TTN: variants seen among roughly 807,000 people sequenced by gnomAD.
TTN encodes the protein connectin.
TTN carries 1,525 observed loss-of-function variants against 3,223.0 expected under a neutral mutation model. The observed-to-expected ratio is 0.47, with a 90% CI of 0.45 to 0.49. TTN has a LOEUF of 0.49. Among genes scored for constraint, TTN ranks in the 20% least tolerant of loss-of-function variants. The pLI, the probability that TTN is intolerant of heterozygous loss-of-function variation, is 0.00. For missense variants in TTN, 40,786 were observed against 43,424.0 expected, an observed-to-expected ratio of 0.94 and a Z score of 5.40; for synonymous variants, 14,094 against 15,161.0, an observed-to-expected ratio of 0.93 and a Z score of 5.17.
intron 43 of TTN, 122 bp downstream of exon 43, chr2:178,764,055 T>A: frequency 7.0e-7 from 1 of 1,435,968 alleles, no homozygotes. Flanking sequence ...TTCTGTTAGA[T>A]TTCCATTAAG....
chr2:178,694,968 CTA>C, intron 115 of TTN, 62 bp from the exon 116 acceptor site: 8 of 1,170,282 alleles, frequency 6.8e-6, no homozygotes, highest in Admixed American at 6.4e-5. Context: ...CTCTCTCTCT[CTA>C]TCTCTCTCTC....
rs1437722307 is a variant in TTN at position 178,621,933 on chromosome 2, T to C, written c.44989A>G (p.Ile14997Val). Residue 14997 changes from isoleucine to valine, a missense_variant, in exon 244 of 363, where the codon ATT (isoleucine) becomes GTT (valine). Transcript: ENST00000589042. ...YDIISKGAVR[I>V]LVINKCLLDD... ...AGTAGACATTTGTTGATGACAAGAA[T>C]GCGCACTGCTCCCTTGGATATGATG... 6.2e-7 allele frequency: 1 copy of C among 1,612,028 alleles called. No individual in the cohort carries two copies. The highest frequency in any genetic ancestry group is 1.1e-5 in the South Asian group (1 of 90,996).
In TTN at chr2:178,777,052, A is replaced by T. The variant is rs1161578785; in HGVS notation, c.4815-3T>A. 1.2e-6 allele frequency: 2 copies of T among 1,614,004 alleles called. No homozygotes were observed. The highest frequency in any genetic ancestry group is 2.2e-5 in the East Asian group (1 of 44,868). On this transcript the variant is annotated splice_region_variant and splice_polypyrimidine_tract_variant and intron_variant, in intron 27 of 362. Transcript: ENST00000589042. ...CTTCTCCCTTGGTTCCTTCAATTCT[A>T]TAAAAAGTTGGGGGAGGGAATAATC... is the stretch of plus-strand genomic sequence containing the variant.
chr2:178,633,188 G>A lies in TTN; in HGVS notation c.43085C>T (p.Pro14362Leu). 6.2e-7 allele frequency: 1 copy of A among 1,610,390 alleles called. No individual in the cohort carries two copies. Among genetic ancestry groups the A allele is most frequent in the Non-Finnish European group, 8.5e-7 (1 of 1,177,616 alleles). The change falls in exon 233 of 363, where the codon CCT (proline) becomes CTT (leucine). Residue 14362 changes from proline to leucine, a missense_variant and splice_region_variant. Transcript: ENST00000589042. Reference protein sequence around the residue: ...KLKGQPLTASPDCEIIEDGKK... With the variant: ...KLKGQPLTASLDCEIIEDGKK... ...TATAATTAGCTAATCTTGACTTACA[G>A]GGGAAGCTGTCAAAGGCTGTCCTTT...
Position 178,725,877 on chromosome 2 carries a change from G to A in TTN, c.20445C>T (p.His6815=). 1.2e-6 allele frequency: 2 copies of A among 1,613,242 alleles called. No homozygotes were observed. Among genetic ancestry groups the A allele is most frequent in the Admixed American group, 1.7e-5 (1 of 59,930 alleles). ...KKYKIASKNF[H]TSIHILNVDT... ...CCACATTGAGAATGTGAATACTTGT[G>A]TGGAAGTTTTTGGATGCAATCTTGT... The change falls in exon 70 of 363, where the codon CAC becomes CAT. Residue 6815 remains histidine, a synonymous_variant. Coordinates refer to ENST00000589042, the MANE Select transcript of TTN (RefSeq NM_001267550.2).
chr2:178,527,055 C>A lies in TTN; in HGVS notation c.107933G>T (p.Gly35978Val). 1 of 1,613,808 alleles carries A rather than the reference C, an allele frequency of 6.2e-7. No individual in the cohort carries two copies. Among genetic ancestry groups the A allele is most frequent in the Non-Finnish European group, 8.5e-7 (1 of 1,179,820 alleles). The change falls in exon 363 of 363, where the codon GGA (glycine) becomes GTA (valine). Residue 35978 changes from glycine to valine, a missense_variant. Transcript: ENST00000589042. The stretch of plus-strand genomic sequence containing the variant: ...TATATTCACAGTGGCAGAGTCAGAT[C>A]CAAATTCATTCCCTAAACTCAGGGT... ...LYTLSLGNEF[G>V]SDSATVNIHI... is the part of the protein sequence containing the mutation.
Position 178,688,760 on chromosome 2 carries a change from G to A in TTN, c.32114C>T (p.Thr10705Ile), listed in dbSNP as rs531107853. 63 of 1,611,910 alleles carry A rather than the reference G, an allele frequency of 3.9e-5. 2 individuals are homozygous for A. In the South Asian group the frequency reaches 6.7e-4, roughly 17 times the overall value. Reference sequence around the variant, plus strand: ...AACAAATCTCTTTTCTTCTACAACAGTTTTCTTAGAGACTTCAGCTTTAAG... The same window carrying A: ...AACAAATCTCTTTTCTTCTACAACAATTTTCTTAGAGACTTCAGCTTTAAG... ...PPPRAEVSKK[T>I]VVEEKRFVAE... is the part of the protein sequence containing the mutation. Residue 10705 changes from threonine (T) to isoleucine (I), a missense_variant, in exon 126 of 363, where the codon ACT becomes ATT. Physicochemically the swap from Thr to Ile is moderately conservative, Grantham distance 89 (BLOSUM62 -1). Transcript: ENST00000589042.
chr2:178,629,375 C>A lies in TTN; in HGVS notation c.44350G>T (p.Asp14784Tyr), dbSNP rs72677216. Residue 14784 changes from aspartate (D) to tyrosine (Y), a missense_variant, in exon 240 of 363, where the codon GAC becomes TAC. Coordinates refer to ENST00000589042, the MANE Select transcript of TTN (RefSeq NM_001267550.2). ...TVTAGETATF[D>Y]CELSYEDIPV... The stretch of plus-strand genomic sequence containing the variant: ...ATATCTTCGTAGGAGAGCTCGCAGT[C>A]GAAGGTGGCTGTTTCCCCTGCAGTC... The A allele has an allele frequency of 9.3e-6, 15 of 1,612,788 alleles. No homozygotes were observed. Among genetic ancestry groups the A allele is most frequent in the Non-Finnish European group, 1.1e-5 (13 of 1,179,336 alleles).
intron 341 of TTN, 42 bp downstream of exon 341, chr2:178,546,558 A>G: frequency 6.3e-7 from 1 of 1,594,252 alleles, no homozygotes; most frequent in Non-Finnish European, 8.6e-7. Context: ...TTTCACATAA[A>G]TTGAGATAAT....
rs371666313 is a variant in TTN at position 178,547,760 on chromosome 2, G to T, written c.93866C>A (p.Thr31289Asn). Residue 31289 changes from threonine to asparagine, a missense_variant, in exon 339 of 363, where the codon ACC (threonine) becomes AAC (asparagine). Transcript: ENST00000589042. ...TTTAACACCAGCTGTATTTTCCAGGGTCAAGAAGTATCTTCCAGAGTCACC... is the reference window on the plus strand; with the variant it reads ...TTTAACACCAGCTGTATTTTCCAGGTTCAAGAAGTATCTTCCAGAGTCACC... The part of the protein sequence containing the change: ...MRGDSGRYFL[T>N]LENTAGVKTF... 3 of 1,613,794 alleles carry T rather than the reference G, an allele frequency of 1.9e-6. No homozygotes were observed. The highest frequency in any genetic ancestry group is 2.5e-6 in the Non-Finnish European group (3 of 1,179,860).
At chr2:178,737,775 A>AT (rs972290269) in intron 49 of TTN, among the ~76,000 whole-genome samples, 3 of 150,582 alleles carry the variant, frequency 2.0e-5, no homozygotes, top group African/African-American at 7.3e-5. Context: ...TTGAGACATT[A>AT]TTTTTTTTTA....
rs751755231 is a variant in TTN at position 178,573,133 on chromosome 2, C to T, written c.72999G>A (p.Leu24333=). The part of the protein sequence containing the change: ...KPGPPGNPRV[L]DTSRSSISIA... ...TTGAAATGGATGATCTGCTTGTATC[C>T]AGAACACGTGGGTTACCTGGTGGTC... The change falls in exon 326 of 363, where the codon CTG becomes CTA. Residue 24333 remains leucine (L), a synonymous_variant. Transcript: ENST00000589042. 1 of 1,613,138 alleles carries T rather than the reference C, an allele frequency of 6.2e-7. No homozygotes were observed. Among genetic ancestry groups the T allele is most frequent in the Admixed American group, 1.7e-5 (1 of 59,954 alleles).
chr2:178,766,219 T>C (rs900873258), intron 41 of TTN, among the ~76,000 whole-genome samples, 162 bp downstream of exon 41: 4 of 152,120 alleles, frequency 2.6e-5, no homozygotes, highest in Non-Finnish European at 5.9e-5. Flanking sequence ...ACAGCTGCCC[T>C]CCCTTTTCCA....
rs202087936 is a variant in TTN, at chr2:178,641,319, T to C, written c.40559-4A>G. On this transcript the variant is annotated splice_region_variant and splice_polypyrimidine_tract_variant and intron_variant, in intron 219 of 362. Transcript: ENST00000589042. ...TCTTCAGGTCTTTTTCTTAGAACTT[T>C]AAAGACAAAAAGGTTTATATGTAAA... The C allele has an allele frequency of 8.9e-6, 13 of 1,460,162 alleles. No individual in the cohort carries two copies. The highest frequency in any genetic ancestry group is 1.2e-5 in the Non-Finnish European group (13 of 1,090,750). 90.5% of individuals were successfully genotyped at this position (1,460,162 alleles called of 1,614,324 possible).
In TTN at chr2:178,579,623, G is replaced by A. The variant is rs781320550; in HGVS notation, c.67574C>T (p.Ala22525Val). ...GGTTCCTTCTCCATTTTCATTCTCA[G>A]CACTCACTCTGAAGGTATATTCCTT... ...EGKEYTFRVS[A>V]ENENGEGTPS... The change falls in exon 319 of 363, where the codon GCT (alanine) becomes GTT (valine). Residue 22525 changes from alanine (A) to valine (V), a missense_variant. Transcript: ENST00000589042. The A allele has an allele frequency of 2.5e-6, 4 of 1,613,306 alleles. No homozygotes were observed. Among genetic ancestry groups the A allele is most frequent in the Non-Finnish European group, 3.4e-6 (4 of 1,179,498 alleles).
Position 178,565,428 on chromosome 2 carries a change from G to A in TTN, c.80704C>T (p.Pro26902Ser), listed in dbSNP as rs1024262797. The A allele has an allele frequency of 1.2e-5, 19 of 1,613,204 alleles. No individual in the cohort carries two copies. The highest frequency in any genetic ancestry group is 1.3e-5 in the African/African-American group (1 of 74,830). ...QAGEDLKIEI[P>S]VIGRPRPNIS... ...TTAGGTCTTGGTCGGCCTATAACTG[G>A]AATTTCTATTTTAAGATCTTCTCCA... Residue 26902 changes from proline to serine, a missense_variant, in exon 326 of 363, where the codon CCA (proline) becomes TCA (serine). By Grantham distance (74) the Pro-to-Ser change is moderately conservative. Transcript: ENST00000589042.
chr2:178,700,041 T>C (rs2074682254), intron 111 of TTN, among the ~76,000 whole-genome samples: 1 of 152,218 alleles, frequency 6.6e-6, no homozygotes, highest in Non-Finnish European at 1.5e-5. Flanking sequence ...AAACATTATT[T>C]AACTTCTCAA....
In TTN at chr2:178,610,979, C is replaced by CAAAG. The variant is rs2154199420; in HGVS notation, c.51136+10_51136+13dup. 1 of 1,608,882 alleles carries CAAAG rather than the reference C, an allele frequency of 6.2e-7. No homozygotes were observed. Among genetic ancestry groups the CAAAG allele is most frequent in the East Asian group, 2.2e-5 (1 of 44,688 alleles). On this transcript the variant is annotated intron_variant, in intron 270 of 362. Transcript: ENST00000589042. ...ATGTGAAGAATGTCTGGTTTTTCTT[C>CAAAG]AAAGAATGATTACCTATGACTTTGA...
At position 178,732,534 on chromosome 2, in the gene TTN, G is replaced by A. The variant is rs2154310383; in HGVS notation, c.16527C>T (p.Leu5509=). Residue 5509 remains leucine, a synonymous_variant, in exon 56 of 363, where the codon CTC becomes CTT. Transcript: ENST00000589042. ...CCGAATCAGAGGTTTTTACTAAATA[G>A]AGTTCCAGGGAACTCTCTAAAGCTT... ...TKEALESSLE[L]YLVKTSDSGT... is the part of the protein sequence containing the mutation. 7 of 1,613,688 alleles carry A rather than the reference G, an allele frequency of 4.3e-6. No homozygotes were observed. The highest frequency in any genetic ancestry group is 5.9e-6 in the Non-Finnish European group (7 of 1,179,754).
Sources: gnomAD v4.1 joint callset for allele counts (sites outside exome capture counted in the v4.1 genomes callset) on GRCh38, gnomAD v4.1.1 for gene constraint, MANE v1.5 for transcripts, NCBI Gene and HGNC (gene_info 2026-07-23, HGNC 2026-07-21) for gene names.